SLC8A2: variants seen among roughly 807,000 people sequenced by gnomAD.
The protein encoded by SLC8A2 is solute carrier family 8 member A2, also known as sodium/calcium exchanger 2.
A neutral mutation model predicts 70.2 loss-of-function variants in SLC8A2; 14 were observed. The ratio of observed to expected loss-of-function variants is 0.20; its 90% CI spans 0.13 to 0.31. SLC8A2 has a LOEUF of 0.31. Ranked by LOEUF, SLC8A2 falls within the 10% of genes least tolerant of loss-of-function variation. SLC8A2 has a pLI of 1.00. For synonymous variants in SLC8A2, 575 were observed against 594.3 expected, an observed-to-expected ratio of 0.97 and a Z score of 0.47; for missense variants, 779 against 1,320.1, an observed-to-expected ratio of 0.59 and a Z score of 6.35.
intron 4 of SLC8A2, among the ~76,000 whole-genome samples, chr19:47,444,750 G>T (rs1967139942): frequency 6.6e-6 from 1 of 152,208 alleles, no homozygotes; most frequent in Non-Finnish European, 1.5e-5. Context: ...CAACGCGCAG[G>T]AAACAGCAAG....
In SLC8A2 at chr19:47,468,178, C is replaced by G. The variant is rs1967488364; in HGVS notation, c.-16-1759G>C. On this transcript the variant is annotated intron_variant, in intron 1 of 9. Coordinates refer to ENST00000236877, the MANE Select transcript of SLC8A2 (RefSeq NM_015063.3). The surrounding 1 kb of genome is among the most constrained non-coding windows in gnomAD (Gnocchi z 5.1). ...CCTCTCTGGCCTCTTTTCCCACCCTCTCCCCCTTGCCCAGTCTGCCTCAGC... is the reference window on the plus strand; with the variant it reads ...CCTCTCTGGCCTCTTTTCCCACCCTGTCCCCCTTGCCCAGTCTGCCTCAGC... 6.6e-6 allele frequency among the ~76,000 whole-genome samples: 1 copy of G among 152,004 alleles called. No homozygotes were observed. The highest frequency in any genetic ancestry group is 2.4e-5 in the African/African-American group (1 of 41,380).
chr19:47,430,422 G>C lies in SLC8A2; in HGVS notation c.2433C>G (p.Ala811=), dbSNP rs1966941297. ...CGGTCACGTTGCCGATGGACGCGTC[G>C]GCGCACTGGTCCTGCAGCGCCGCCA... is the stretch of plus-strand genomic sequence containing the variant. The part of the protein sequence containing the change: ...SKVAALQDQC[A]DASIGNVTGS... The change falls in exon 10 of 10, where the codon GCC becomes GCG. Residue 811 remains alanine (A), a synonymous_variant. Coordinates refer to ENST00000236877, the MANE Select transcript of SLC8A2 (RefSeq NM_015063.3). This position sits in a 1 kb window ranked among gnomAD's most constrained non-coding sequence, Gnocchi z 5.9. 5.6e-6 allele frequency: 9 copies of C among 1,608,086 alleles called. No homozygotes were observed. The highest frequency in any genetic ancestry group is 6.8e-6 in the Non-Finnish European group (8 of 1,178,570).
chr19:47,470,277 G>A (rs1215362996), intron 1 of SLC8A2, among the ~76,000 whole-genome samples: 1 of 151,808 alleles, frequency 6.6e-6, no homozygotes, highest in East Asian at 1.9e-4. Flanking sequence ...GCTCTTTAAA[G>A]CCATCTGAAG....
At position 47,452,144 on chromosome 19, in the gene SLC8A2, T is replaced by C. The variant is rs571797026; in HGVS notation, c.1341-3913A>G. On this transcript the variant is annotated intron_variant, in intron 3 of 9. Transcript: ENST00000236877. ...AATGCCATTATTCTCAAAAGATGCA[T>C]GCTCAAGTATTTAGGCATGAAGGTC... 2.6e-5 allele frequency among the ~76,000 whole-genome samples: 4 copies of C among 152,272 alleles called. No individual in the cohort carries two copies. In the South Asian group the frequency reaches 6.2e-4, roughly 24 times the overall value.
chr19:47,430,443 C>G lies in SLC8A2; in HGVS notation c.2412G>C (p.Ala804=), dbSNP rs140535709. The change falls in exon 10 of 10, where the codon GCG becomes GCC. Residue 804 remains alanine, a synonymous_variant. Coordinates refer to ENST00000236877, the MANE Select transcript of SLC8A2 (RefSeq NM_015063.3). The surrounding 1 kb of genome is among the most constrained non-coding windows in gnomAD (Gnocchi z 5.9). ...CGTCGGCGCACTGGTCCTGCAGCGC[C>G]GCCACCTTGCTGGCGAACGTGTCTG... The part of the protein sequence containing the change: ...SIPDTFASKV[A]ALQDQCADAS... The G allele has an allele frequency of 2.5e-6, 4 of 1,602,850 alleles. No homozygotes were observed. The African/African-American group carries it at 5.3e-5, about 21-fold the overall frequency.
Position 47,447,850 on chromosome 19 carries a change from C to T in SLC8A2, c.1722G>A (p.Glu574=), listed in dbSNP as rs1328527954. 4 of 1,595,904 alleles carry T rather than the reference C, an allele frequency of 2.5e-6. No individual in the cohort carries two copies. In the African/African-American group the frequency reaches 4.1e-5, roughly 16 times the overall value. The change falls in exon 4 of 10, where the codon GAG becomes GAA. Residue 574 remains glutamate (E), a synonymous_variant. Transcript: ENST00000236877. This position sits in a 1 kb window ranked among gnomAD's most constrained non-coding sequence, Gnocchi z 5.1. ...GTARGGGVHY[E]DACGELEFGD... is the part of the protein sequence containing the mutation. ...CAAACTCCAGCTCTCCGCACGCGTCCTCGTAGTGCACGCCGCCGCCGCGCG... is the reference window on the plus strand; with the variant it reads ...CAAACTCCAGCTCTCCGCACGCGTCTTCGTAGTGCACGCCGCCGCCGCGCG...
intron 2 of SLC8A2, among the ~76,000 whole-genome samples, chr19:47,458,556 A>C (rs1599857317): frequency 7.3e-5 from 6 of 82,028 alleles, no homozygotes; most frequent in Admixed American, 1.4e-4. Context: ...AGTTTCTCTC[A>C]ACCTCCCTCT....
intron 2 of SLC8A2, among the ~76,000 whole-genome samples, chr19:47,462,036 A>G (rs1967401530): frequency 6.6e-6 from 1 of 152,064 alleles, no homozygotes; most frequent in Non-Finnish European, 1.5e-5. Context: ...CCAGCAACTC[A>G]TGGGACAGTC....
At chr19:47,433,217 G>C (rs558939247) in intron 8 of SLC8A2, among the ~76,000 whole-genome samples, 68 of 152,154 alleles carry the variant, frequency 4.5e-4, no homozygotes, top group African/African-American at 1.6e-3. Flanking sequence ...TCCACAGCTA[G>C]AAGTATTCAC....
At chr19:47,467,315 G>A (rs952138870) in intron 1 of SLC8A2, among the ~76,000 whole-genome samples, 2 of 152,212 alleles carry the variant, frequency 1.3e-5, no homozygotes, top group African/African-American at 4.8e-5. Flanking sequence ...CAGGGAGCAG[G>A]AGGCTCTGAG....
rs575513695 is a variant in SLC8A2, at chr19:47,463,429, G to A, written c.675+2300C>T. ...ATTACAGGCGTGAGCCACAGCACCCGGCCCAGAAACCTTTTCTTTAGGCAG... is the reference window on the plus strand; with the variant it reads ...ATTACAGGCGTGAGCCACAGCACCCAGCCCAGAAACCTTTTCTTTAGGCAG... On this transcript the variant is annotated intron_variant, in intron 2 of 9. Coordinates refer to ENST00000236877, the MANE Select transcript of SLC8A2 (RefSeq NM_015063.3). Among the ~76,000 whole-genome samples, 65 of 145,760 alleles carry A rather than the reference G, an allele frequency of 4.5e-4. No individual in the cohort carries two copies. In the South Asian group the frequency reaches 5.9e-3, roughly 13 times the overall value.
At chr19:47,456,302 C>T (rs528684781) in intron 3 of SLC8A2, among the ~76,000 whole-genome samples, 2 of 152,228 alleles carry the variant, frequency 1.3e-5, no homozygotes, top group Non-Finnish European at 2.9e-5. Context: ...GCACCTGGCA[C>T]ATGGTAGGTG....
Position 47,447,017 on chromosome 19 carries a change from C to A in SLC8A2, c.1763+792G>T, listed in dbSNP as rs1199857110. ...TCTCCCCAGGCCCTGCCCTGCCTTC[C>A]CAGGCCCCCAGATTCCAGCACCATC... On this transcript the variant is annotated intron_variant, in intron 4 of 9. Coordinates refer to ENST00000236877, the MANE Select transcript of SLC8A2 (RefSeq NM_015063.3). The surrounding 1 kb of genome is among the most constrained non-coding windows in gnomAD (Gnocchi z 5.1). Among the ~76,000 whole-genome samples the A allele has an allele frequency of 6.6e-6, 1 of 151,968 alleles. No homozygotes were observed. The highest frequency in any genetic ancestry group is 2.4e-5 in the African/African-American group (1 of 41,358).
chr19:47,463,192 G>T (rs1427559280), intron 2 of SLC8A2, among the ~76,000 whole-genome samples: 1 of 151,668 alleles, frequency 6.6e-6, no homozygotes, highest in Non-Finnish European at 1.5e-5. Context: ...GAGTGCAGCG[G>T]CGCGATCTTG....
intron 4 of SLC8A2, among the ~76,000 whole-genome samples, chr19:47,446,237 C>T (rs919126187): frequency 2.6e-4 from 27 of 103,008 alleles, no homozygotes; most frequent in African/African-American, 9.9e-4. Context: ...CATGCGGGGG[C>T]GGAAGAGAGC....
chr19:47,431,291 C>T (rs571619551), intron 9 of SLC8A2, among the ~76,000 whole-genome samples: 3 of 152,142 alleles, frequency 2.0e-5, no homozygotes, highest in Non-Finnish European at 2.9e-5. Context: ...CTTGGCCCCC[C>T]GCCTTTGCCT....
intron 2 of SLC8A2, among the ~76,000 whole-genome samples, chr19:47,458,685 C>G (rs1333198544): frequency 6.7e-6 from 1 of 149,094 alleles, no homozygotes; most frequent in East Asian, 2.0e-4. Context: ...TTGCCTCTCC[C>G]CATGTCTGGA....
chr19:47,452,445 A>AGAGTGT (rs1568444583), intron 3 of SLC8A2, among the ~76,000 whole-genome samples: 33 of 54,084 alleles, frequency 6.1e-4, no homozygotes, highest in African/African-American at 2.7e-3. Context: ...AGAGAGAGAG[A>AGAGTGT]GTGTGTGTGT....
Position 47,466,106 on chromosome 19 carries a change from T to C in SLC8A2, c.298A>G (p.Ile100Val). ...ADRFMAAIEV[I>V]TSKEKEITIT... is the part of the protein sequence containing the mutation. ...GTGATCTCCTTCTCTTTTGACGTGATGACCTCGATGGCCGCCATGAAACGG... is the reference window on the plus strand; with the variant it reads ...GTGATCTCCTTCTCTTTTGACGTGACGACCTCGATGGCCGCCATGAAACGG... Residue 100 changes from isoleucine to valine, a missense_variant, in exon 2 of 10, where the codon ATC (isoleucine) becomes GTC (valine). Ile to Val is a conservative substitution (Grantham distance 29). Around this residue, in one of 6 missense-constraint regions of SLC8A2, gnomAD observed 155 missense variants for 318.6 expected, o/e 0.49. Coordinates refer to ENST00000236877, the MANE Select transcript of SLC8A2 (RefSeq NM_015063.3). This position sits in a 1 kb window ranked among gnomAD's most constrained non-coding sequence, Gnocchi z 6.9. The C allele has an allele frequency of 6.2e-7, 1 of 1,614,194 alleles. No individual in the cohort carries two copies. The highest frequency in any genetic ancestry group is 8.5e-7 in the Non-Finnish European group (1 of 1,180,024).
Sources: gnomAD v4.1 joint callset for allele counts (sites outside exome capture counted in the v4.1 genomes callset) on GRCh38, gnomAD v4.1.1 for gene constraint, gnomAD v4.1.1 regional missense constraint, Gnocchi (gnomAD v3.1) non-coding constraint, MANE v1.5 for transcripts, NCBI Gene and HGNC (gene_info 2026-07-23, HGNC 2026-07-21) for gene names.